Variants in PDE4A observed in about 807,000 individuals in gnomAD.
PDE4A encodes phosphodiesterase 4A, also known as 3',5'-cyclic-AMP phosphodiesterase 4A.
Under a neutral mutation model 73.9 loss-of-function variants are expected in PDE4A, and 21 were observed. That is an observed-to-expected ratio of 0.28 (90% confidence interval 0.20 to 0.41). PDE4A has a LOEUF of 0.41. Ranked by LOEUF, PDE4A falls within the 10% of genes least tolerant of loss-of-function variation. The pLI is 1.00. For missense variants in PDE4A, 958 were observed against 1,211.4 expected, an observed-to-expected ratio of 0.79 and a Z score of 3.10; for synonymous variants, 463 against 505.4, an observed-to-expected ratio of 0.92 and a Z score of 1.13.
chr19:10,448,944 A>G lies in PDE4A; in HGVS notation c.540A>G (p.Pro180=), dbSNP rs1446499367. 5 of 1,613,836 alleles carry G rather than the reference A, an allele frequency of 3.1e-6. No homozygotes were observed. Among genetic ancestry groups the G allele is most frequent in the Admixed American group, 3.3e-5 (2 of 59,984 alleles). The change falls in exon 3 of 15, where the codon CCA becomes CCG. Residue 180 remains proline (P), a synonymous_variant. Transcript: ENST00000380702. Reference sequence around the variant, plus strand: ...ACGCTGAAGACCTCATCGTAACACCATTTGCTCAGGTGAGACCTCTTCCCA... The same window carrying G: ...ACGCTGAAGACCTCATCGTAACACCGTTTGCTCAGGTGAGACCTCTTCCCA... ...EAHAEDLIVT[P]FAQVLASLRS...
chr19:10,442,736 A>G (rs2042954173), intron 1 of PDE4A, among the ~76,000 whole-genome samples: 1 of 149,554 alleles, frequency 6.7e-6, no homozygotes, highest in African/African-American at 2.4e-5. Flanking sequence ...ATTATTACAT[A>G]TTACCTTATT....
At chr19:10,465,420 A>G (rs575174137) in intron 14 of PDE4A, among the ~76,000 whole-genome samples, 3 of 151,542 alleles carry the variant, frequency 2.0e-5, no homozygotes, top group Non-Finnish European at 4.4e-5. Context: ...GTGTTTCTCC[A>G]TGTTGGTCAG....
At chr19:10,416,790 G>C (rs889806513), upstream of PDE4A, 45 of 1,516,084 alleles carry the variant, frequency 3.0e-5, 2 homozygotes, top group South Asian at 5.3e-4. Context: ...CCCCAGGAGA[G>C]GCAATAGGCA....
In PDE4A at chr19:10,461,037, C is replaced by T. The variant is rs1029706191; in HGVS notation, c.1399C>T (p.Leu467Phe). The stretch of plus-strand genomic sequence containing the variant: ...CACGGACCTGGAGATTCTCGCCGCC[C>T]TCTTCGCGGCTGCCATCCACGATGT... The part of the protein sequence containing the change: ...VFTDLEILAA[L>F]FAAAIHDVDH... The change falls in exon 11 of 15, where the codon CTC (leucine) becomes TTC (phenylalanine). Residue 467 changes from leucine to phenylalanine, a missense_variant. Transcript: ENST00000380702. 1 of 1,613,756 alleles carries T rather than the reference C, an allele frequency of 6.2e-7. No individual in the cohort carries two copies. The highest frequency in any genetic ancestry group is 8.5e-7 in the Non-Finnish European group (1 of 1,179,726).
In PDE4A at chr19:10,453,064, C is replaced by T. The variant is rs118185829; in HGVS notation, c.784-1765C>T. 4.3e-3 allele frequency: 5,764 copies of T among 1,331,878 alleles called. 14 individuals carry two copies. The highest frequency in any genetic ancestry group is 5.2e-3 in the Non-Finnish European group (5,431 of 1,042,638). 82.5% of individuals were successfully genotyped at this position (1,331,878 alleles called of 1,614,324 possible). ...GGGGCCCGTTGGGGCCCAGGGCTGG[C>T]GGGCCATGTAACCAGGGCTGCTGCT... On this transcript the variant is annotated intron_variant, in intron 6 of 14. Coordinates refer to ENST00000380702, the MANE Select transcript of PDE4A (RefSeq NM_001111307.2). This position sits in a 1 kb window ranked among gnomAD's most constrained non-coding sequence, Gnocchi z 4.6.
intron 1 of PDE4A, 64 bp downstream of exon 1, chr19:10,421,148 C>G: frequency 1.5e-6 from 2 of 1,338,728 alleles, no homozygotes; most frequent in South Asian, 1.9e-5. Context: ...GCAACTCGAG[C>G]TGCCGGCCGC....
At chr19:10,443,589 C>T (rs2042966413) in intron 1 of PDE4A, among the ~76,000 whole-genome samples, 1 of 151,184 alleles carries the variant, frequency 6.6e-6, no homozygotes, top group Admixed American at 6.6e-5. Context: ...TGGCGTACAC[C>T]TGTAGTCCCA....
At chr19:10,441,681 G>GTTAT (rs1568371887) in intron 1 of PDE4A, among the ~76,000 whole-genome samples, 7 of 131,794 alleles carry the variant, frequency 5.3e-5, no homozygotes, top group South Asian at 4.9e-4. Context: ...GTCATTTTGA[G>GTTAT]TTATTTTTTT....
chr19:10,459,718 C>G lies in PDE4A; in HGVS notation c.1324C>G (p.Leu442Val). 1.2e-6 allele frequency: 2 copies of G among 1,614,100 alleles called. No individual in the cohort carries two copies. Among genetic ancestry groups the G allele is most frequent in the Non-Finnish European group, 1.7e-6 (2 of 1,179,976 alleles). The change falls in exon 10 of 15, where the codon CTG becomes GTG. Residue 442 changes from leucine (L) to valine (V), a missense_variant. By Grantham distance (32) the Leu-to-Val change is conservative (BLOSUM62 1). Transcript: ENST00000380702. ...TAACAGCCTGCACGCAGCTGACGTG[C>G]TGCAGTCCACCCACGTACTGCTGGC... Reference protein sequence around the residue: ...YHNSLHAADVLQSTHVLLATP... With the variant: ...YHNSLHAADVVQSTHVLLATP...
At position 10,423,023 on chromosome 19, in the gene PDE4A, C is replaced by T. The variant is rs559819692; in HGVS notation, c.320+1939C>T. ...TCATTATTTTGGTGGGTATCCATCT[C>T]GCAATGGCTCACCCTCCGGCTCCAT... On this transcript the variant is annotated intron_variant, in intron 1 of 14. Transcript: ENST00000380702. 198 of 772,776 alleles carry T rather than the reference C, an allele frequency of 2.6e-4. 2 individuals are homozygous for T. The South Asian group carries it at 9.0e-3, about 35-fold the overall frequency. 47.9% of individuals were successfully genotyped at this position (772,776 alleles called of 1,614,324 possible).
At chr19:10,419,171 G>GGCAGGGA (rs1339624922), upstream of PDE4A, 5 of 821,834 alleles carry the variant, frequency 6.1e-6, no homozygotes, top group African/African-American at 9.6e-5. Context: ...GGGGGCAGGG[G>GGCAGGGA]TCTGGTCCCC....
In PDE4A at chr19:10,453,213, C is replaced by T. The variant is rs888267732; in HGVS notation, c.784-1616C>T. ...CCAGTGGTTGTTAACCCCGGGACTCCCCAAGCCCAGCCTCTGTGTGCAGCA... is the reference window on the plus strand; with the variant it reads ...CCAGTGGTTGTTAACCCCGGGACTCTCCAAGCCCAGCCTCTGTGTGCAGCA... On this transcript the variant is annotated intron_variant, in intron 6 of 14. Transcript: ENST00000380702. This position sits in a 1 kb window ranked among gnomAD's most constrained non-coding sequence, Gnocchi z 4.6. 3 of 1,572,872 alleles carry T rather than the reference C, an allele frequency of 1.9e-6. No individual in the cohort carries two copies. The highest frequency in any genetic ancestry group is 2.7e-5 in the African/African-American group (2 of 74,300).
intron 4 of PDE4A, 92 bp downstream of exon 4, chr19:10,449,242 A>T: frequency 7.2e-7 from 1 of 1,389,324 alleles, no homozygotes; most frequent in Admixed American, 1.9e-5. Flanking sequence ...TCTGGCAGGC[A>T]GGTGACCTCT....
rs1307560848 is a variant in PDE4A, at chr19:10,449,099, G to A, written c.569G>A (p.Ser190Asn). Reference protein sequence around the residue: ...PFAQVLASLRSVRSNFSLLTN... With the variant: ...PFAQVLASLRNVRSNFSLLTN... ...TCCCAGGTGCTGGCCAGCCTCCGGA[G>A]CGTCCGTAGCAACTTCTCACTCCTG... The change falls in exon 4 of 15, where the codon AGC becomes AAC. Residue 190 changes from serine to asparagine, a missense_variant. Ser to Asn is a conservative substitution (Grantham distance 46). Transcript: ENST00000380702. 6.2e-7 allele frequency: 1 copy of A among 1,613,678 alleles called. No homozygotes were observed. The highest frequency in any genetic ancestry group is 1.1e-5 in the South Asian group (1 of 90,938).
intron 1 of PDE4A, chr19:10,432,670 T>A: frequency 8.4e-7 from 1 of 1,186,688 alleles, no homozygotes; most frequent in Non-Finnish European, 1.2e-6. Flanking sequence ...GTGAGTCCCC[T>A]AAGTGGCTTC....
At chr19:10,448,982 G>A in intron 3 of PDE4A, 29 bp downstream of exon 3, 1 of 1,612,950 alleles carries the variant, frequency 6.2e-7, no homozygotes, top group Non-Finnish European at 8.5e-7. Flanking sequence ...TGGTTAAGGA[G>A]AGAAGGGGCT....
intron 1 of PDE4A, among the ~76,000 whole-genome samples, chr19:10,442,764 C>T (rs2042954711): frequency 6.7e-6 from 1 of 148,722 alleles, no homozygotes; most frequent in Non-Finnish European, 1.5e-5. Context: ...TTACATATTA[C>T]CATATTACTA....
chr19:10,461,235 TGGCCGGGCAGGAGGCGGGGCTG>T, intron 11 of PDE4A, 132 bp downstream of exon 11: 1 of 425,258 alleles, frequency 2.4e-6, no homozygotes, highest in Non-Finnish European at 2.8e-6. Flanking sequence ...GGAAAGGGGA[TGGCCGGGCAGGAGGCGGGGCTG>T]GGGGCGGGGC....
rs1052626615 is a variant in PDE4A, at chr19:10,424,906, A to C, written c.320+3822A>C. ...CCATGGGACTTGCCCAAGGTCACAC[A>C]GCGAGGAAGGTGAGAATAGGAGTTA... On this transcript the variant is annotated intron_variant, in intron 1 of 14. Transcript: ENST00000380702. The surrounding 1 kb of genome is among the most constrained non-coding windows in gnomAD (Gnocchi z 4.8). Among the ~76,000 whole-genome samples the C allele has an allele frequency of 3.3e-5, 5 of 152,254 alleles. No homozygotes were observed.
Sources: gnomAD v4.1 joint callset for allele counts (sites outside exome capture counted in the v4.1 genomes callset) on GRCh38, gnomAD v4.1.1 for gene constraint, Gnocchi (gnomAD v3.1) non-coding constraint, MANE v1.5 for transcripts, NCBI Gene and HGNC (gene_info 2026-07-23, HGNC 2026-07-21) for gene names.